PDS5B: variants seen among roughly 807,000 people sequenced by gnomAD.
The protein encoded by PDS5B is PDS5 cohesin associated factor B.
A neutral mutation model predicts 184.1 loss-of-function variants in PDS5B; 51 were observed. The ratio of observed to expected loss-of-function variants is 0.28; its 90% CI spans 0.22 to 0.35. The LOEUF (loss-of-function observed/expected upper bound fraction) is 0.35. Among genes scored for constraint, PDS5B ranks in the 10% least tolerant of loss-of-function variants. The probability of loss-of-function intolerance (pLI) is 1.00; values close to 1 mark genes in which losing one functional copy is unlikely to be tolerated. For synonymous variants in PDS5B, 566 were observed against 569.2 expected (o/e 0.99, Z 0.08); for missense variants, 1,180 against 1,723.3 (o/e 0.68, Z 5.58).
At chr13:32,601,841 GTT>G (rs534272498) in intron 1 of PDS5B, among the ~76,000 whole-genome samples, 171 of 152,314 alleles carry the variant, frequency 1.1e-3, no homozygotes, top group African/African-American at 3.9e-3. Context: ...CATTGAATTG[GTT>G]TTAGAGATGG....
intron 24 of PDS5B, among the ~76,000 whole-genome samples, chr13:32,748,722 GTTA>G (rs1953854238): frequency 6.6e-6 from 1 of 151,934 alleles, no homozygotes; most frequent in Non-Finnish European, 1.5e-5. Context: ...CTATGTAAGT[GTTA>G]AATATAGTAG....
At chr13:32,714,919 T>C (rs1952326844) in intron 19 of PDS5B, among the ~76,000 whole-genome samples, 1 of 152,196 alleles carries the variant, frequency 6.6e-6, no homozygotes, top group Admixed American at 6.5e-5. Flanking sequence ...ACAAGAGTAT[T>C]GATTGGGGAA....
chr13:32,688,385 T>G, intron 12 of PDS5B, 71 bp from the exon 13 acceptor site: 1 of 743,814 alleles, frequency 1.3e-6, no homozygotes, highest in Non-Finnish European at 2.3e-6. Flanking sequence ...TTTACATAGT[T>G]TTAGAATTTT....
At chr13:32,690,932 C>T (rs940895054) in intron 13 of PDS5B, 1 of 151,850 alleles carries the variant, frequency 6.6e-6, no homozygotes, top group Non-Finnish European at 1.5e-5. Context: ...AATTAGCTGA[C>T]CAACTATTAT....
intron 19 of PDS5B, among the ~76,000 whole-genome samples, chr13:32,721,222 G>A (rs1488417827): frequency 1.3e-5 from 2 of 151,758 alleles, no homozygotes; most frequent in Non-Finnish European, 2.9e-5. Context: ...TGGCAGCCGG[G>A]CAGAGGCGAC....
intron 11 of PDS5B, among the ~76,000 whole-genome samples, chr13:32,685,219 T>G (rs180994433): frequency 1.3e-5 from 2 of 152,344 alleles, no homozygotes; most frequent in African/African-American, 4.8e-5. Context: ...GCACATGGTT[T>G]TCCCTTCAAA....
At chr13:32,666,486 T>A (rs922259248) in intron 6 of PDS5B, among the ~76,000 whole-genome samples, 1 of 152,104 alleles carries the variant, frequency 6.6e-6, no homozygotes, top group East Asian at 1.9e-4. Context: ...AAAGAAAACA[T>A]AAATATTTGA....
chr13:32,656,385 GT>G (rs1950514606), intron 3 of PDS5B, among the ~76,000 whole-genome samples: 1 of 147,366 alleles, frequency 6.8e-6, no homozygotes, highest in African/African-American at 2.5e-5. Flanking sequence ...GTTCTTGGTA[GT>G]TTGATAGGAA....
chr13:32,775,757 T>C lies in PDS5B; in HGVS notation c.*705T>C. On this transcript the variant is annotated 3_prime_UTR_variant, in exon 35 of 35. Coordinates refer to ENST00000315596, the MANE Select transcript of PDS5B (RefSeq NM_015032.4). The stretch of plus-strand genomic sequence containing the variant: ...TGTCCCAGAATTTTCTGGCCTTTCA[T>C]GGCAATGAAAATTTTAAGAAGAAAG... 7.5e-6 allele frequency: 3 copies of C among 401,370 alleles called. No individual in the cohort carries two copies. The highest frequency in any genetic ancestry group is 7.8e-5 in the East Asian group (1 of 12,814). 24.9% of individuals were successfully genotyped at this position (401,370 alleles called of 1,614,324 possible).
intron 17 of PDS5B, among the ~76,000 whole-genome samples, chr13:32,704,883 C>T (rs1336589013): frequency 1.3e-5 from 2 of 151,954 alleles, no homozygotes; most frequent in African/African-American, 2.4e-5. Flanking sequence ...ATAGATTTCC[C>T]CTCTCTGTTT....
At chr13:32,688,649 T>G in intron 13 of PDS5B, 80 bp downstream of exon 13, 1 of 846,600 alleles carries the variant, frequency 1.2e-6, no homozygotes, top group Admixed American at 1.8e-5. Context: ...TACAAACACC[T>G]GTATTTTAAA....
intron 1 of PDS5B, among the ~76,000 whole-genome samples, chr13:32,639,459 A>G (rs77333222): frequency 0.048 from 7,361 of 152,276 alleles, 494 homozygotes; most frequent in African/African-American, 0.16. Context: ...GATTAATTCA[A>G]ACTGCATGGT....
intron 24 of PDS5B, among the ~76,000 whole-genome samples, chr13:32,748,146 A>T (rs1953828361): frequency 6.6e-6 from 1 of 152,180 alleles, no homozygotes; most frequent in African/African-American, 2.4e-5. Context: ...AAATTACCCT[A>T]TTTTAAGCAA....
intron 8 of PDS5B, among the ~76,000 whole-genome samples, chr13:32,673,922 T>A (rs1951000904): frequency 6.6e-6 from 1 of 151,248 alleles, no homozygotes; most frequent in African/African-American, 2.4e-5. Flanking sequence ...ATCAAGCTAC[T>A]CTTCCACCTC....
chr13:32,696,577 G>T (rs1332034420), intron 14 of PDS5B, among the ~76,000 whole-genome samples: 13 of 151,264 alleles, frequency 8.6e-5, no homozygotes, highest in Admixed American at 7.9e-4. Context: ...CCCAAAATAC[G>T]TACCTGTTAC....
chr13:32,734,183 C>T (rs1035246383), intron 20 of PDS5B, among the ~76,000 whole-genome samples: 2 of 151,590 alleles, frequency 1.3e-5, no homozygotes, highest in African/African-American at 2.4e-5. Context: ...GTATGCCCCA[C>T]GCCTGGCTAA....
intron 30 of PDS5B, among the ~76,000 whole-genome samples, chr13:32,762,711 C>T (rs1301211217): frequency 6.6e-6 from 1 of 152,112 alleles, no homozygotes; most frequent in Admixed American, 6.5e-5. Context: ...GTTTTGCTAA[C>T]TTTTTTTCTG....
chr13:32,734,780 G>A (rs1953264082), intron 20 of PDS5B, among the ~76,000 whole-genome samples: 1 of 152,176 alleles, frequency 6.6e-6, no homozygotes, highest in Admixed American at 6.5e-5. Flanking sequence ...AACTGCACAG[G>A]AAGCTGCAAG....
chr13:32,633,198 C>T (rs993898544), intron 1 of PDS5B, among the ~76,000 whole-genome samples: 1 of 152,100 alleles, frequency 6.6e-6, no homozygotes, highest in Non-Finnish European at 1.5e-5. Flanking sequence ...TTACAAGTTT[C>T]TTTCTGTTTT....
Sources: gnomAD v4.1 joint callset for allele counts (sites outside exome capture counted in the v4.1 genomes callset) on GRCh38, gnomAD v4.1.1 for gene constraint, MANE v1.5 for transcripts, NCBI Gene and HGNC (gene_info 2026-07-23, HGNC 2026-07-21) for gene names.